ZHX2: variants seen among roughly 807,000 people sequenced by gnomAD.
The protein encoded by ZHX2 is zinc fingers and homeoboxes protein 2.
ZHX2 carries 6 observed loss-of-function variants against 21.9 expected under a neutral mutation model. The observed-to-expected ratio is 0.27, with a 90% CI of 0.15 to 0.54. ZHX2 has a LOEUF of 0.54. ZHX2 is among the 20% of genes least tolerant of loss of function. ZHX2 has a pLI of 0.95. For missense variants in ZHX2, 908 were observed against 1,090.7 expected (o/e 0.83, Z 2.36); for synonymous variants, 434 against 437.1 (o/e 0.99, Z 0.09).
At chr8:122,925,432 A>G (rs1272951252) in intron 2 of ZHX2, among the ~76,000 whole-genome samples, 1 of 152,194 alleles carries the variant, frequency 6.6e-6, no homozygotes, top group Non-Finnish European at 1.5e-5. Flanking sequence ...CTTGCCCAAA[A>G]TGAGCTCTTG....
chr8:122,874,792 C>T (rs1586349847), intron 2 of ZHX2, among the ~76,000 whole-genome samples: 1 of 152,216 alleles, frequency 6.6e-6, no homozygotes, highest in East Asian at 1.9e-4. Context: ...AGCTTCTAGA[C>T]AGTCAGCTGA....
chr8:122,953,238 G>T lies in ZHX2; in HGVS notation c.1728G>T (p.Trp576Cys). The T allele has an allele frequency of 6.2e-7, 1 of 1,613,984 alleles. No individual in the cohort carries two copies. Among genetic ancestry groups the T allele is most frequent in the Non-Finnish European group, 8.5e-7 (1 of 1,180,010 alleles). Residue 576 changes from tryptophan to cysteine, a missense_variant, in exon 3 of 4, where the codon TGG becomes TGT. Trp to Cys is a radical substitution (Grantham distance 215). Transcript: ENST00000314393. The surrounding 1 kb of genome is among the most constrained non-coding windows in gnomAD (Gnocchi z 4.6). The stretch of plus-strand genomic sequence containing the variant: ...TGAGCAGGAGAGAGATCGACTCCTG[G>T]TTCTCGGAGAGGCGGAAGCTTCGAG... ...TKLSRREIDS[W>C]FSERRKLRDS...
intron 1 of ZHX2, among the ~76,000 whole-genome samples, chr8:122,796,615 T>C (rs1350528181): frequency 6.6e-6 from 1 of 152,208 alleles, no homozygotes; most frequent in East Asian, 1.9e-4. Context: ...TTAGGTTCTT[T>C]GTGGAAACGC....
At chr8:122,829,891 A>G (rs1818334926) in intron 1 of ZHX2, among the ~76,000 whole-genome samples, 1 of 152,234 alleles carries the variant, frequency 6.6e-6, no homozygotes. Flanking sequence ...TGTGAAGTGG[A>G]GCCCTGTTGG....
intron 2 of ZHX2, among the ~76,000 whole-genome samples, chr8:122,869,442 C>A (rs1819378988): frequency 6.6e-6 from 1 of 152,174 alleles, no homozygotes; most frequent in South Asian, 2.1e-4. Flanking sequence ...ATTCTCCTGC[C>A]TCAGCTTCCC....
chr8:122,831,568 C>T (rs370220334), intron 1 of ZHX2, among the ~76,000 whole-genome samples: 19 of 152,258 alleles, frequency 1.2e-4, no homozygotes, highest in Non-Finnish European at 2.8e-4. Flanking sequence ...GCGGAGAGAA[C>T]AAGGACAGGG....
intron 2 of ZHX2, among the ~76,000 whole-genome samples, chr8:122,911,233 G>A (rs1395265374): frequency 1.3e-5 from 2 of 149,342 alleles, no homozygotes; most frequent in Non-Finnish European, 3.0e-5. Context: ...ATAGCTGTTC[G>A]TCTTCCCTGG....
chr8:122,897,692 CAA>C (rs369059961), intron 2 of ZHX2, among the ~76,000 whole-genome samples: 4 of 129,554 alleles, frequency 3.1e-5, no homozygotes, highest in Admixed American at 7.8e-5. Context: ...GTTTTCCTGA[CAA>C]AAAAAAAAAA....
intron 2 of ZHX2, among the ~76,000 whole-genome samples, chr8:122,934,599 GTTCC>G (rs1381878356): frequency 2.8e-4 from 42 of 150,594 alleles, no homozygotes; most frequent in African/African-American, 8.9e-4. Flanking sequence ...TGGGTGCAAA[GTTCC>G]TTCCTTCCTT....
At chr8:122,897,492 G>T (rs1475011890) in intron 2 of ZHX2, among the ~76,000 whole-genome samples, 1 of 152,028 alleles carries the variant, frequency 6.6e-6, no homozygotes, top group Non-Finnish European at 1.5e-5. Flanking sequence ...CCCACTGTTT[G>T]GTTTTGGATT....
chr8:122,951,022 A>G (rs1450445802), intron 2 of ZHX2, among the ~76,000 whole-genome samples: 3 of 152,060 alleles, frequency 2.0e-5, no homozygotes, highest in Non-Finnish European at 4.4e-5. Flanking sequence ...GGACCTGTCT[A>G]CCTTTCCTGT....
intron 1 of ZHX2, among the ~76,000 whole-genome samples, chr8:122,844,386 AC>A (rs1298443090): frequency 1.3e-5 from 2 of 152,240 alleles, no homozygotes; most frequent in Admixed American, 1.3e-4. Context: ...TAACCATGCC[AC>A]CTTCTCTGAG....
chr8:122,938,215 G>C (rs1477721222), intron 2 of ZHX2, among the ~76,000 whole-genome samples: 1 of 151,882 alleles, frequency 6.6e-6, no homozygotes, highest in Non-Finnish European at 1.5e-5. Flanking sequence ...TTACAGGCAT[G>C]AGCCACCATG....
chr8:122,902,953 C>T (rs1820266204), intron 2 of ZHX2, among the ~76,000 whole-genome samples: 1 of 152,118 alleles, frequency 6.6e-6, no homozygotes. Flanking sequence ...CCTGGGTGAG[C>T]ACAGAATCCA....
At chr8:122,885,498 G>A (rs1263837626) in intron 2 of ZHX2, among the ~76,000 whole-genome samples, 2 of 151,894 alleles carry the variant, frequency 1.3e-5, no homozygotes, top group African/African-American at 4.9e-5. Context: ...GAGTTTTTGG[G>A]TGGCATGGAA....
At chr8:122,931,397 C>T (rs187308565) in intron 2 of ZHX2, among the ~76,000 whole-genome samples, 6 of 151,946 alleles carry the variant, frequency 3.9e-5, no homozygotes, top group African/African-American at 1.2e-4. Flanking sequence ...GAAGACAGGA[C>T]GGAAAGAAGA....
At chr8:122,836,863 T>C (rs2130696924) in intron 1 of ZHX2, among the ~76,000 whole-genome samples, 1 of 152,306 alleles carries the variant, frequency 6.6e-6, no homozygotes, top group East Asian at 1.9e-4. Context: ...AGGGAGAATC[T>C]TACACTACTG....
intron 2 of ZHX2, among the ~76,000 whole-genome samples, chr8:122,902,945 T>A (rs191939712): frequency 7.2e-4 from 109 of 152,288 alleles, no homozygotes; most frequent in Middle Eastern, 3.4e-3. Flanking sequence ...CAAGGCCTCC[T>A]GGGTGAGCAC....
intron 2 of ZHX2, among the ~76,000 whole-genome samples, chr8:122,868,158 C>G (rs547106424): frequency 6.6e-6 from 1 of 152,294 alleles, no homozygotes; most frequent in East Asian, 1.9e-4. Flanking sequence ...TTCAACACAG[C>G]AAGTGTCCAC....
Sources: gnomAD v4.1 joint callset for allele counts (sites outside exome capture counted in the v4.1 genomes callset) on GRCh38, gnomAD v4.1.1 for gene constraint, Gnocchi (gnomAD v3.1) non-coding constraint, MANE v1.5 for transcripts, NCBI Gene and HGNC (gene_info 2026-07-23, HGNC 2026-07-21) for gene names.